The following CCDC124 variants were observed in gnomAD, a reference collection of about 807,000 sequenced individuals.
CCDC124 encodes the protein coiled-coil domain containing 124, also known as coiled-coil domain-containing protein 124.
A neutral mutation model predicts 19.8 loss-of-function variants in CCDC124; 9 were observed. The observed-to-expected ratio is 0.45, with a 90% CI of 0.27 to 0.79. The LOEUF (loss-of-function observed/expected upper bound fraction) is 0.79, where lower values mean the gene tolerates loss of function less well. Among genes scored for constraint, CCDC124 ranks in the 30% least tolerant of loss-of-function variants. CCDC124 has a pLI of 0.14. For synonymous variants in CCDC124, 126 were observed against 131.3 expected (o/e 0.96, Z 0.27); for missense variants, 285 against 319.0 (o/e 0.89, Z 0.81).
chr19:17,934,436 A>G (rs1303683953), intron 1 of CCDC124, among the ~76,000 whole-genome samples: 1 of 152,002 alleles, frequency 6.6e-6, no homozygotes, highest in Non-Finnish European at 1.5e-5. Flanking sequence ...CTAGCTGTGG[A>G]CAATGGATAA....
chr19:17,934,561 G>A (rs2031017827), intron 1 of CCDC124, among the ~76,000 whole-genome samples: 2 of 151,256 alleles, frequency 1.3e-5, no homozygotes, highest in African/African-American at 4.9e-5. Context: ...CGAGGCGGGA[G>A]GATCACTTGA....
intron 1 of CCDC124, among the ~76,000 whole-genome samples, chr19:17,934,936 G>A (rs1236556237): frequency 6.7e-6 from 1 of 149,812 alleles, no homozygotes; most frequent in Non-Finnish European, 1.5e-5. Flanking sequence ...TCTTTTAAGA[G>A]ACAGGGTCTT....
In CCDC124 at chr19:17,943,781, C is replaced by T. The variant is rs2031248224; in HGVS notation, c.*66C>T. The T allele has an allele frequency of 1.3e-6, 2 of 1,501,912 alleles. No homozygotes were observed. Among genetic ancestry groups the T allele is most frequent in the Non-Finnish European group, 1.8e-6 (2 of 1,093,980 alleles). 93.0% of individuals were successfully genotyped at this position (1,501,912 alleles called of 1,614,324 possible). A position where few individuals can be genotyped will look rare whatever the true frequency, so the allele number is the denominator to read the frequency against. On this transcript the variant is annotated 3_prime_UTR_variant, in exon 5 of 5. Transcript: ENST00000445755. ...GGTCACGACTCTGCACGCCCTTAGG[C>T]CAGGTCAGCTGCGAGGGTCACAGAG...
chr19:17,942,055 C>T lies in CCDC124; in HGVS notation c.160-601C>T, dbSNP rs2031195322. ...TCCCGTAGCCCAGATGTCCCTCATCCAGCCAGCATCAGGGCTTCCCTGGGC... is the reference window on the plus strand; with the variant it reads ...TCCCGTAGCCCAGATGTCCCTCATCTAGCCAGCATCAGGGCTTCCCTGGGC... On this transcript the variant is annotated intron_variant, in intron 2 of 4. Coordinates refer to ENST00000445755, the MANE Select transcript of CCDC124 (RefSeq NM_001136203.2). This position sits in a 1 kb window ranked among gnomAD's most constrained non-coding sequence, Gnocchi z 4.2. Among the ~76,000 whole-genome samples, 1 of 152,168 alleles carries T rather than the reference C, an allele frequency of 6.6e-6. No homozygotes were observed. Among genetic ancestry groups the T allele is most frequent in the African/African-American group, 2.4e-5 (1 of 41,442 alleles).
chr19:17,942,512 G>A lies in CCDC124; in HGVS notation c.160-144G>A. 2 of 906,100 alleles carry A rather than the reference G, an allele frequency of 2.2e-6. No individual in the cohort carries two copies. Among genetic ancestry groups the A allele is most frequent in the Non-Finnish European group, 3.3e-6 (2 of 603,798 alleles). 56.1% of individuals were successfully genotyped at this position (906,100 alleles called of 1,614,324 possible). On this transcript the variant is annotated intron_variant, in intron 2 of 4. Coordinates refer to ENST00000445755, the MANE Select transcript of CCDC124 (RefSeq NM_001136203.2). This position sits in a 1 kb window ranked among gnomAD's most constrained non-coding sequence, Gnocchi z 4.2. ...ACATCCCCCGCCCAGGGCAGCACCG[G>A]GACCTATCTTGTTCCTGGTATGTCC...
rs749220204 is a variant in CCDC124 at position 17,943,292 on chromosome 19, G to A, written c.381G>A (p.Pro127=). Residue 127 remains proline, a synonymous_variant, in exon 4 of 5, where the codon CCG becomes CCA. Transcript: ENST00000445755. ...AEKAKSHLEV[P]LEENVNRRVL... ...AAGCCAAGAGCCATCTGGAGGTGCC[G>A]CTGGAGGAGAACGTGAACCGCCGCG... 5.1e-6 allele frequency: 8 copies of A among 1,571,540 alleles called. No individual in the cohort carries two copies. The highest frequency in any genetic ancestry group is 3.8e-5 in the Admixed American group (2 of 52,680).
At chr19:17,939,682 G>A (rs1417667287) in intron 2 of CCDC124, among the ~76,000 whole-genome samples, 3 of 151,698 alleles carry the variant, frequency 2.0e-5, no homozygotes, top group Non-Finnish European at 4.4e-5. Context: ...GAGTGCAGTG[G>A]CGCGACCTCG....
In CCDC124 at chr19:17,942,651, C is replaced by T. The variant is rs1209901598; in HGVS notation, c.160-5C>T. 1.3e-6 allele frequency: 2 copies of T among 1,553,730 alleles called. No individual in the cohort carries two copies. The highest frequency in any genetic ancestry group is 1.2e-5 in the South Asian group (1 of 84,304). The stretch of plus-strand genomic sequence containing the variant: ...TCTGCCTGACCATGCACGCCGCCCC[C>T]GCAGGAGGAGAAGGAGAAGCGGCGC... On this transcript the variant is annotated splice_region_variant and splice_polypyrimidine_tract_variant and intron_variant, in intron 2 of 4. Transcript: ENST00000445755. The surrounding 1 kb of genome is among the most constrained non-coding windows in gnomAD (Gnocchi z 4.2).
At chr19:17,937,497 C>T (rs984022140) in intron 2 of CCDC124, among the ~76,000 whole-genome samples, 6 of 152,038 alleles carry the variant, frequency 3.9e-5, no homozygotes, top group Non-Finnish European at 7.4e-5. Flanking sequence ...CCCCTGAGGA[C>T]GCTTGGCAAC....
At chr19:17,934,078 C>A (rs1367484468) in intron 1 of CCDC124, among the ~76,000 whole-genome samples, 7 of 149,032 alleles carry the variant, frequency 4.7e-5, no homozygotes, top group African/African-American at 1.8e-4. Context: ...AATCCAGGCA[C>A]TTTGAGAGGC....
intron 1 of CCDC124, among the ~76,000 whole-genome samples, chr19:17,934,903 T>C (rs1368185248): frequency 3.1e-5 from 1 of 32,440 alleles, no homozygotes; most frequent in African/African-American, 2.4e-4. Context: ...GTGCCTTGTT[T>C]CCTTGTTTCC....
intron 1 of CCDC124, among the ~76,000 whole-genome samples, chr19:17,935,856 T>A (rs2031049274): frequency 6.6e-6 from 1 of 152,124 alleles, no homozygotes. Flanking sequence ...GTGCTAGGAT[T>A]ACAGGCGTGA....
intron 3 of CCDC124, 148 bp from the exon 4 acceptor site, chr19:17,943,113 T>TA: frequency 1.3e-6 from 1 of 768,598 alleles, no homozygotes; most frequent in Non-Finnish European, 2.2e-6. Flanking sequence ...CAAGAGGGCT[T>TA]ATCAGCTGAA....
Position 17,943,583 on chromosome 19 carries a change from G to A in CCDC124, c.540G>A (p.Gln180=), listed in dbSNP as rs1245662461. ...CCTTCACAGCCTTTGAGGAAGCCCA[G>A]CTGCCGCGGCTCAAACAAGAGAACC... ...RAAFTAFEEA[Q]LPRLKQENPN... Residue 180 remains glutamine, a synonymous_variant, in exon 5 of 5, where the codon CAG becomes CAA. Transcript: ENST00000445755. 1.2e-6 allele frequency: 2 copies of A among 1,612,908 alleles called. No individual in the cohort carries two copies. The highest frequency in any genetic ancestry group is 1.7e-6 in the Non-Finnish European group (2 of 1,179,972).
rs1019491816 is a variant in CCDC124 at position 17,942,998 on chromosome 19, C to A, written c.349+153C>A. On this transcript the variant is annotated intron_variant, in intron 3 of 4. Coordinates refer to ENST00000445755, the MANE Select transcript of CCDC124 (RefSeq NM_001136203.2). The surrounding 1 kb of genome is among the most constrained non-coding windows in gnomAD (Gnocchi z 4.2). The stretch of plus-strand genomic sequence containing the variant: ...TAGGCCGCCTCCTGGTAGGCCTGGC[C>A]GTGAGCAGACAACCTCAGGGCTTGT... 6.6e-5 allele frequency among the ~76,000 whole-genome samples: 10 copies of A among 152,102 alleles called. No homozygotes were observed. Among genetic ancestry groups the A allele is most frequent in the African/African-American group, 2.4e-4 (10 of 41,416 alleles).
Position 17,943,919 on chromosome 19 carries a change from G to T in CCDC124, c.*204G>T, listed in dbSNP as rs1014307172. 3.5e-5 allele frequency: 21 copies of T among 601,906 alleles called. No individual in the cohort carries two copies. In the African/African-American group the frequency reaches 3.7e-4, roughly 11 times the overall value. 37.3% of individuals were successfully genotyped at this position (601,906 alleles called of 1,614,324 possible). ...GACACCCCATCCCCTCCCATCCCCC[G>T]GCGCGTGTGTGTAGAGCCTCAGGGC... On this transcript the variant is annotated 3_prime_UTR_variant, in exon 5 of 5. Coordinates refer to ENST00000445755, the MANE Select transcript of CCDC124 (RefSeq NM_001136203.2).
At chr19:17,937,794 C>T (rs946211289) in intron 2 of CCDC124, among the ~76,000 whole-genome samples, 2 of 152,168 alleles carry the variant, frequency 1.3e-5, no homozygotes, top group Admixed American at 6.5e-5. Context: ...AGTGCAATGG[C>T]GCGATCTCAG....
chr19:17,936,721 C>A, intron 2 of CCDC124, 142 bp downstream of exon 2: 1 of 1,047,946 alleles, frequency 9.5e-7, no homozygotes. Flanking sequence ...TCGCTCACGC[C>A]TGTCATCCCA....
chr19:17,934,324 T>C (rs976344055), intron 1 of CCDC124, among the ~76,000 whole-genome samples: 3 of 148,788 alleles, frequency 2.0e-5, no homozygotes, highest in Non-Finnish European at 2.9e-5. Context: ...GGGTGGAGGT[T>C]GCAGTGAGCC....
Sources: gnomAD v4.1 joint callset for allele counts (sites outside exome capture counted in the v4.1 genomes callset) on GRCh38, gnomAD v4.1.1 for gene constraint, Gnocchi (gnomAD v3.1) non-coding constraint, MANE v1.5 for transcripts, NCBI Gene and HGNC (gene_info 2026-07-23, HGNC 2026-07-21) for gene names.